The following JMY variants were observed in gnomAD, a reference collection of about 807,000 sequenced individuals.
The protein encoded by JMY is junction-mediating and -regulatory protein.
Under a neutral mutation model 103.3 loss-of-function variants are expected in JMY, and 46 were observed. That is an observed-to-expected ratio of 0.45 (90% CI 0.35 to 0.57). The LOEUF (loss-of-function observed/expected upper bound fraction) is 0.57, where lower values mean the gene tolerates loss of function less well. Among genes scored for constraint, JMY ranks in the 20% least tolerant of loss-of-function variants. JMY has a pLI of 0.00. For synonymous variants in JMY, 526 were observed against 489.3 expected, an observed-to-expected ratio of 1.07 and a Z score of -0.99; for missense variants, 1,238 against 1,255.2, an observed-to-expected ratio of 0.99 and a Z score of 0.21.
chr5:79,265,075 G>A (rs1214487360), intron 1 of JMY, among the ~76,000 whole-genome samples: 3 of 151,936 alleles, frequency 2.0e-5, no homozygotes, highest in South Asian at 2.1e-4. Flanking sequence ...ACAGGCGCCC[G>A]CCACCATGCC....
At chr5:79,281,589 C>T (rs1746116576) in intron 2 of JMY, among the ~76,000 whole-genome samples, 1 of 151,876 alleles carries the variant, frequency 6.6e-6, no homozygotes. Context: ...TTTGGCAATG[C>T]AAAGGAATGA....
At chr5:79,305,146 C>T (rs879258880) in intron 6 of JMY, among the ~76,000 whole-genome samples, 3 of 152,098 alleles carry the variant, frequency 2.0e-5, no homozygotes, top group Non-Finnish European at 4.4e-5. Context: ...TTGACTTTCT[C>T]TAATTGAAAG....
At position 79,316,268 on chromosome 5, in the gene JMY, C is replaced by T. The variant is rs374831077; in HGVS notation, c.2928C>T (p.Asp976=). 4.5e-5 allele frequency: 72 copies of T among 1,613,002 alleles called. 1 individual carries two copies. Among genetic ancestry groups the T allele is most frequent in the Middle Eastern group, 1.6e-4 (1 of 6,084 alleles). Residue 976 remains aspartate, a synonymous_variant, in exon 10 of 11, where the codon GAC becomes GAT. Transcript: ENST00000396137. ...RIKEASPESE[D]EEEALPCTDW... ...AAGAAGCATCCCCAGAGTCAGAGGA[C>T]GAAGAGGAGGCTTTACCTTGCACAG...
intron 1 of JMY, among the ~76,000 whole-genome samples, chr5:79,251,278 C>T (rs1434124392): frequency 6.6e-6 from 1 of 152,076 alleles, no homozygotes; most frequent in Non-Finnish European, 1.5e-5. Context: ...ATCACCCAGG[C>T]TGGAGTACAG....
chr5:79,286,470 A>G (rs1024750715), intron 2 of JMY, among the ~76,000 whole-genome samples: 2 of 152,028 alleles, frequency 1.3e-5, no homozygotes, highest in African/African-American at 2.4e-5. Flanking sequence ...GTGAAACCCC[A>G]TCTCTACTAA....
chr5:79,296,239 G>T (rs149512604), intron 4 of JMY, among the ~76,000 whole-genome samples: 5 of 152,200 alleles, frequency 3.3e-5, no homozygotes, highest in African/African-American at 1.2e-4. Context: ...CAAATGGATT[G>T]TGAGATTTGG....
intron 1 of JMY, among the ~76,000 whole-genome samples, chr5:79,252,824 A>G (rs902616368): frequency 1.3e-5 from 2 of 152,148 alleles, no homozygotes; most frequent in Non-Finnish European, 2.9e-5. Context: ...TTCATAGGTG[A>G]ATGTGTTTCT....
At chr5:79,287,441 A>G (rs140653801) in intron 2 of JMY, among the ~76,000 whole-genome samples, 84 of 152,364 alleles carry the variant, frequency 5.5e-4, no homozygotes, top group African/African-American at 2.0e-3. Flanking sequence ...TCGACTAATT[A>G]CGGATCTTTA....
chr5:79,254,533 A>G (rs972634279), intron 1 of JMY, among the ~76,000 whole-genome samples: 1 of 152,126 alleles, frequency 6.6e-6, no homozygotes, highest in African/African-American at 2.4e-5. Flanking sequence ...TTGGAGCCTC[A>G]TTGTATGTTA....
rs1285912653 is a variant in JMY, at chr5:79,240,025, T to TC, written c.1032+2343_1032+2344insC. Among the ~76,000 whole-genome samples the TC allele has an allele frequency of 2.0e-5, 3 of 151,452 alleles. No individual in the cohort carries two copies. The East Asian group carries it at 5.8e-4, about 29-fold the overall frequency. ...GAAAATTATACTTTTTTTCTTTCTT[T>TC]TTTTTTTTGAGATGGAGTCTCGCTC... On this transcript the variant is annotated intron_variant, in intron 1 of 10. Coordinates refer to ENST00000396137, the MANE Select transcript of JMY (RefSeq NM_152405.5).
intron 1 of JMY, among the ~76,000 whole-genome samples, chr5:79,256,863 C>T (rs772748264): frequency 2.7e-5 from 4 of 150,124 alleles, no homozygotes; most frequent in African/African-American, 4.9e-5. Context: ...CTCAATTCAT[C>T]CTCCCACCTC....
chr5:79,273,752 A>C (rs1424158142), intron 1 of JMY, among the ~76,000 whole-genome samples: 1 of 152,292 alleles, frequency 6.6e-6, no homozygotes, highest in East Asian at 1.9e-4. Flanking sequence ...TAAGCAATAT[A>C]GTGAGACCTC....
intron 6 of JMY, 146 bp from the exon 7 acceptor site, chr5:79,306,229 C>A (rs1443321652): frequency 1.6e-6 from 1 of 606,794 alleles, no homozygotes; most frequent in Non-Finnish European, 3.0e-6. Flanking sequence ...TTTACAGCTT[C>A]AGTTGTCCAA....
chr5:79,248,665 A>AT (rs1025085580), intron 1 of JMY, among the ~76,000 whole-genome samples: 13 of 152,268 alleles, frequency 8.5e-5, no homozygotes, highest in Non-Finnish European at 1.5e-4. Context: ...AGAAAAAAAA[A>AT]AAAGTTTCTT....
chr5:79,240,233 C>G (rs1471624561), intron 1 of JMY, among the ~76,000 whole-genome samples: 1 of 152,000 alleles, frequency 6.6e-6, no homozygotes, highest in African/African-American at 2.4e-5. Context: ...CCAAGCTGGT[C>G]TCGAACTCCT....
At chr5:79,246,466 G>T (rs1445397621) in intron 1 of JMY, among the ~76,000 whole-genome samples, 1 of 152,192 alleles carries the variant, frequency 6.6e-6, no homozygotes, top group African/African-American at 2.4e-5. Context: ...TAGGATGCAA[G>T]TGAGTTTGAG....
chr5:79,309,162 T>C (rs550099729), intron 7 of JMY, among the ~76,000 whole-genome samples: 1 of 152,258 alleles, frequency 6.6e-6, no homozygotes, highest in Non-Finnish European at 1.5e-5. Flanking sequence ...CTTATTGCAT[T>C]AGCTAGCACT....
At chr5:79,273,053 A>T (rs1273411148) in intron 1 of JMY, among the ~76,000 whole-genome samples, 2 of 152,224 alleles carry the variant, frequency 1.3e-5, no homozygotes, top group Non-Finnish European at 2.9e-5. Context: ...GTACAGTCGT[A>T]TGATTTTTGC....
chr5:79,239,160 T>C (rs1744656216), intron 1 of JMY, among the ~76,000 whole-genome samples: 1 of 152,220 alleles, frequency 6.6e-6, no homozygotes, highest in Non-Finnish European at 1.5e-5. Flanking sequence ...AGTACTCTCT[T>C]ACAACTTCCC....
Sources: allele counts gnomAD v4.1 joint callset (sites outside exome capture counted in the v4.1 genomes callset), GRCh38; gene constraint gnomAD v4.1.1; transcripts MANE v1.5; gene names NCBI Gene and HGNC (gene_info 2026-07-23, HGNC 2026-07-21).